The following TXN2 variants were observed in gnomAD, a reference collection of about 807,000 sequenced individuals.
TXN2 encodes the protein thioredoxin 2, also known as thioredoxin, mitochondrial.
Under a neutral mutation model 14.6 loss-of-function variants are expected in TXN2, and 12 were observed. That is an observed-to-expected ratio of 0.82 (90% CI 0.53 to 1.33). TXN2 has a LOEUF of 1.33. Ranked by LOEUF, TXN2 falls within the 40% of genes most tolerant of loss-of-function variation. The probability of loss-of-function intolerance (pLI) is 0.00; values close to 1 mark genes in which losing one functional copy is unlikely to be tolerated. For synonymous variants in TXN2, 89 were observed against 81.0 expected (o/e 1.10, Z -0.53); for missense variants, 173 against 207.7 (o/e 0.83, Z 1.03).
chr22:36,479,563 C>T (rs943524628), intron 2 of TXN2, among the ~76,000 whole-genome samples: 11 of 152,086 alleles, frequency 7.2e-5, no homozygotes, highest in African/African-American at 2.7e-4. Flanking sequence ...AACTCCTGAC[C>T]TCAGGTAATC....
chr22:36,479,945 C>G (rs887797397), intron 2 of TXN2, among the ~76,000 whole-genome samples: 1 of 150,590 alleles, frequency 6.6e-6, no homozygotes, highest in Non-Finnish European at 1.5e-5. Context: ...TGTAATGGCG[C>G]GATCTTCAGC....
intron 3 of TXN2, among the ~76,000 whole-genome samples, chr22:36,473,880 G>A (rs11913440): frequency 0.12 from 18,645 of 152,276 alleles, 1,380 homozygotes; most frequent in African/African-American, 0.2. Flanking sequence ...GCCACCCCAC[G>A]AGACACTGGA....
chr22:36,471,725 T>C (rs932123704), intron 3 of TXN2, among the ~76,000 whole-genome samples: 37 of 152,164 alleles, frequency 2.4e-4, no homozygotes, highest in Admixed American at 2.1e-3. Context: ...TCCCAGCACT[T>C]TGGGAGGCTG....
In TXN2 at chr22:36,467,376, TTTTTTC is replaced by T. The variant is rs562485110; in HGVS notation, c.*422_*427del. On this transcript the variant is annotated 3_prime_UTR_variant, in exon 4 of 4. Coordinates refer to ENST00000216185, the MANE Select transcript of TXN2 (RefSeq NM_012473.4). ...TATTACTCTCACTAGTTTGGGCTTC[TTTTTTC>T]TTTTTCTTTTTACAAAACAGCAGCT... The T allele has an allele frequency of 3.8e-5, 7 of 186,022 alleles. No individual in the cohort carries two copies. The South Asian group carries it at 5.6e-4, about 15-fold the overall frequency. The allele number at this position is 186,022 out of a possible 1,614,324, so 11.5% of individuals were successfully genotyped here. A position where few individuals can be genotyped will look rare whatever the true frequency, so the allele number is the denominator to read the frequency against.
chr22:36,474,273 G>A (rs1423971364), intron 3 of TXN2, among the ~76,000 whole-genome samples: 1 of 152,184 alleles, frequency 6.6e-6, no homozygotes, highest in African/African-American at 2.4e-5. Context: ...GTCACCTGTA[G>A]TGGCCACCGT....
chr22:36,478,573 T>C (rs1933435467), intron 2 of TXN2, among the ~76,000 whole-genome samples: 1 of 152,126 alleles, frequency 6.6e-6, no homozygotes, highest in Non-Finnish European at 1.5e-5. Context: ...CACTGCAACT[T>C]CCGCCTCCCG....
chr22:36,472,455 C>T (rs138675848), intron 3 of TXN2, among the ~76,000 whole-genome samples: 1 of 152,092 alleles, frequency 6.6e-6, no homozygotes, highest in Non-Finnish European at 1.5e-5. Context: ...TAATGATGTC[C>T]GTGTAGGTTC....
intron 3 of TXN2, 23 bp downstream of exon 3, chr22:36,476,710 G>A (rs1299287943): frequency 1.8e-5 from 29 of 1,613,790 alleles, no homozygotes; most frequent in Non-Finnish European, 2.5e-5. Flanking sequence ...GCTTCCCTGT[G>A]GCAACTCCCT....
chr22:36,473,558 AGAAG>A (rs781613411), intron 3 of TXN2, among the ~76,000 whole-genome samples: 4 of 152,286 alleles, frequency 2.6e-5, no homozygotes, highest in South Asian at 2.1e-4. Flanking sequence ...AAGGAAGGAA[AGAAG>A]GAAGGGAGGG....
intron 1 of TXN2, 164 bp from the exon 2 acceptor site, chr22:36,481,001 A>C: frequency 1.3e-6 from 1 of 741,878 alleles, no homozygotes; most frequent in Non-Finnish European, 2.0e-6. Flanking sequence ...AGCAATGAGA[A>C]TCAAAGGGAA....
chr22:36,473,818 C>T (rs1285615678), intron 3 of TXN2, among the ~76,000 whole-genome samples: 1 of 152,200 alleles, frequency 6.6e-6, no homozygotes, highest in African/African-American at 2.4e-5. Flanking sequence ...CACCGCAGGC[C>T]TTCAGTGCCC....
intron 3 of TXN2, among the ~76,000 whole-genome samples, chr22:36,469,300 A>T (rs1933224347): frequency 6.6e-6 from 1 of 152,200 alleles, no homozygotes; most frequent in Non-Finnish European, 1.5e-5. Context: ...TGCCTGGCAT[A>T]CTGTGGGCAT....
At chr22:36,477,499 C>T (rs564514955) in intron 2 of TXN2, among the ~76,000 whole-genome samples, 5 of 152,332 alleles carry the variant, frequency 3.3e-5, no homozygotes, top group South Asian at 2.1e-4. Flanking sequence ...TGAGCCACCG[C>T]GCCCGGCCTG....
At chr22:36,475,372 C>CT (rs1333394536) in intron 3 of TXN2, among the ~76,000 whole-genome samples, 3 of 152,230 alleles carry the variant, frequency 2.0e-5, no homozygotes, top group African/African-American at 7.2e-5. Flanking sequence ...GAGCAAAACT[C>CT]TGTCTCGAAA....
rs962273034 is a variant in TXN2, at chr22:36,476,987, A to C, written c.264-131T>G. 17 of 1,447,368 alleles carry C rather than the reference A, an allele frequency of 1.2e-5. No homozygotes were observed. The African/African-American group carries it at 2.0e-4, about 17-fold the overall frequency. The allele number at this position is 1,447,368 out of a possible 1,614,324, so 89.7% of individuals were successfully genotyped here. On this transcript the variant is annotated intron_variant, in intron 2 of 3. Transcript: ENST00000216185. Reference sequence around the variant, plus strand: ...TCTCTGTTTACCATGTTTAAAAATTAACACACCAAATGGTAATGCCAGGAG... The same window carrying C: ...TCTCTGTTTACCATGTTTAAAAATTCACACACCAAATGGTAATGCCAGGAG...
At chr22:36,478,184 A>G (rs1464967497) in intron 2 of TXN2, among the ~76,000 whole-genome samples, 1 of 150,810 alleles carries the variant, frequency 6.6e-6, no homozygotes, top group Non-Finnish European at 1.5e-5. Context: ...CCCACAGGCT[A>G]CTCTGATCCC....
chr22:36,480,478 T>C (rs1933475796), intron 2 of TXN2, 97 bp downstream of exon 2: 1 of 1,494,618 alleles, frequency 6.7e-7, no homozygotes, highest in Non-Finnish European at 9.1e-7. Flanking sequence ...TGAGTCTACA[T>C]ATGAGCAGCA....
chr22:36,469,987 GAAC>G (rs1294313500), intron 3 of TXN2, among the ~76,000 whole-genome samples: 6 of 152,150 alleles, frequency 3.9e-5, no homozygotes, highest in Admixed American at 3.9e-4. Context: ...AAAATAAACA[GAAC>G]AAGATAAACA....
At position 36,473,711 on chromosome 22, in the gene TXN2, G is replaced by A. The variant is rs1026493465; in HGVS notation, c.387+3022C>T. Among the ~76,000 whole-genome samples the A allele has an allele frequency of 1.1e-4, 17 of 152,182 alleles. No homozygotes were observed. In the East Asian group the frequency reaches 1.5e-3, roughly 14 times the overall value. On this transcript the variant is annotated intron_variant, in intron 3 of 3. Coordinates refer to ENST00000216185, the MANE Select transcript of TXN2 (RefSeq NM_012473.4). Reference sequence around the variant, plus strand: ...AGCCTTGAGGCCTTTCTGTGTGACAGCACAGTCCCCAGGCAGTGGACAGGG... The same window carrying A: ...AGCCTTGAGGCCTTTCTGTGTGACAACACAGTCCCCAGGCAGTGGACAGGG...
Sources: allele counts gnomAD v4.1 joint callset (sites outside exome capture counted in the v4.1 genomes callset), GRCh38; gene constraint gnomAD v4.1.1; transcripts MANE v1.5; gene names NCBI Gene and HGNC (gene_info 2026-07-23, HGNC 2026-07-21).